Variants in CYFIP1 observed in about 807,000 individuals in gnomAD.
CYFIP1 encodes the protein cytoplasmic FMR1 interacting protein 1, also known as cytoplasmic FMR1-interacting protein 1.
Under a neutral mutation model 163.5 loss-of-function variants are expected in CYFIP1, and 58 were observed. The observed-to-expected ratio is 0.35, with a 90% CI of 0.29 to 0.44. The LOEUF (loss-of-function observed/expected upper bound fraction) is 0.44, where lower values mean the gene tolerates loss of function less well. Ranked by LOEUF, CYFIP1 falls within the 20% of genes least tolerant of loss-of-function variation. The pLI is 1.00. For synonymous variants in CYFIP1, 663 were observed against 660.7 expected, an observed-to-expected ratio of 1.00 and a Z score of -0.05; for missense variants, 1,338 against 1,653.8, an observed-to-expected ratio of 0.81 and a Z score of 3.31.
chr15:22,899,821 G>A (rs1377726765), intron 22 of CYFIP1, among the ~76,000 whole-genome samples: 1 of 152,172 alleles, frequency 6.6e-6, no homozygotes, highest in African/African-American at 2.4e-5. Context: ...GCTGAGGCAG[G>A]TGGATCACCT....
At chr15:22,914,356 C>G (rs555662601) in intron 17 of CYFIP1, among the ~76,000 whole-genome samples, 31 of 152,236 alleles carry the variant, frequency 2.0e-4, no homozygotes, top group African/African-American at 7.0e-4. Flanking sequence ...CAATTCCAGT[C>G]TGACACCAAG....
chr15:22,973,585 G>A (rs2140270593), intron 1 of CYFIP1, among the ~76,000 whole-genome samples: 1 of 152,216 alleles, frequency 6.6e-6, no homozygotes, highest in Non-Finnish European at 1.5e-5. Context: ...CTGTTCTTCT[G>A]TGGCATCAGC....
At position 22,928,020 on chromosome 15, in the gene CYFIP1, C is replaced by T. The variant is rs1241510274; in HGVS notation, c.1119G>A (p.Thr373=). Residue 373 remains threonine, a synonymous_variant, in exon 12 of 31, where the codon ACG becomes ACA. Coordinates refer to ENST00000617928, the MANE Select transcript of CYFIP1 (RefSeq NM_014608.6). The part of the protein sequence containing the change: ...LARYSNSEVV[T]GSGRQEAQKT... ...TCTGGGCCTCCTGGCGGCCCGAGCC[C>T]GTGACCACCTGCACAAGGCGGGCAC... is the stretch of plus-strand genomic sequence containing the variant. The T allele has an allele frequency of 5.1e-6, 8 of 1,562,728 alleles. No individual in the cohort carries two copies. The Admixed American group carries it at 1.0e-4, about 20-fold the overall frequency.
chr15:22,925,257 T>C (rs113647581), intron 13 of CYFIP1, among the ~76,000 whole-genome samples: 25 of 152,104 alleles, frequency 1.6e-4, no homozygotes, highest in Non-Finnish European at 3.4e-4. Context: ...TGGGGAAGAA[T>C]AGCCAAGGAA....
chr15:22,977,961 A>C (rs1384967037), intron 1 of CYFIP1, among the ~76,000 whole-genome samples: 1 of 152,186 alleles, frequency 6.6e-6, no homozygotes, highest in Non-Finnish European at 1.5e-5. Context: ...AAAGATACAG[A>C]CACAAGCATT....
chr15:22,946,266 TGCACTCTAGCCTGG>T (rs1295436180), intron 3 of CYFIP1, among the ~76,000 whole-genome samples: 9 of 150,580 alleles, frequency 6.0e-5, no homozygotes, highest in African/African-American at 2.2e-4. Context: ...ATCACACCAC[TGCACTCTAGCCTGG>T]GCAACCTGAG....
At chr15:22,972,234 G>A (rs560874985) in intron 1 of CYFIP1, among the ~76,000 whole-genome samples, 30 of 152,248 alleles carry the variant, frequency 2.0e-4, no homozygotes, top group Non-Finnish European at 3.1e-4. Flanking sequence ...GCAGGAGTTC[G>A]AGACCAGCCT....
At chr15:22,884,098 G>A (rs960403224) in intron 23 of CYFIP1, among the ~76,000 whole-genome samples, 6 of 140,418 alleles carry the variant, frequency 4.3e-5, no homozygotes, top group Non-Finnish European at 3.1e-5. Context: ...GGCATAATGG[G>A]GATTACAAGT....
At chr15:22,946,022 T>C (rs2062047183) in intron 3 of CYFIP1, among the ~76,000 whole-genome samples, 1 of 152,156 alleles carries the variant, frequency 6.6e-6, no homozygotes, top group African/African-American at 2.4e-5. Flanking sequence ...AAAATATTCT[T>C]GTCCAGGTGC....
rs1595491064 is a variant in CYFIP1 at position 22,875,890 on chromosome 15, A to ACATATATATATATATATATG, written c.3043-620_3043-619insCATATATATATATATATATG. Among the ~76,000 whole-genome samples the ACATATATATATATATATATG allele has an allele frequency of 6.0e-5, 8 of 133,112 alleles. 1 individual carries two copies. The highest frequency in any genetic ancestry group is 2.4e-4 in the South Asian group (1 of 4,196). The allele number at this position is 133,112 out of a possible 152,430, so 87.3% of individuals were successfully genotyped here. A position where few individuals can be genotyped will look rare whatever the true frequency, so the allele number is the denominator to read the frequency against. ...AGGTCCGTTCTCCAGAATAACATAT[A>ACATATATATATATATATATG]TATATATAAAGAAAATGTACCTCCA... is the stretch of plus-strand genomic sequence containing the variant. On this transcript the variant is annotated intron_variant, in intron 26 of 30. Transcript: ENST00000617928.
At position 22,869,897 on chromosome 15, in the gene CYFIP1, A is replaced by T; in HGVS notation, c.*131T>A. On this transcript the variant is annotated 3_prime_UTR_variant, in exon 31 of 31. Transcript: ENST00000617928. ...AAAAATAAGTCAATTTTATAAAATT[A>T]AGTTTTTAGATCGAAAAGCACCCCC... is the stretch of plus-strand genomic sequence containing the variant. 1.3e-6 allele frequency: 1 copy of T among 755,666 alleles called. No homozygotes were observed. The highest frequency in any genetic ancestry group is 1.9e-6 in the Non-Finnish European group (1 of 539,618). 46.8% of individuals were successfully genotyped at this position (755,666 alleles called of 1,614,324 possible). A position where few individuals can be genotyped will look rare whatever the true frequency, so the allele number is the denominator to read the frequency against.
At chr15:22,928,256 A>G (rs1046549753) in intron 11 of CYFIP1, among the ~76,000 whole-genome samples, 37 of 152,184 alleles carry the variant, frequency 2.4e-4, no homozygotes, top group Non-Finnish European at 4.0e-4. Context: ...GGTGGCGGGC[A>G]CCTGTAGTCC....
intron 1 of CYFIP1, among the ~76,000 whole-genome samples, chr15:22,957,730 G>A (rs557981930): frequency 1.3e-5 from 2 of 152,324 alleles, no homozygotes; most frequent in South Asian, 2.1e-4. Flanking sequence ...TTCTGCAAAC[G>A]TGCACAAGGC....
In CYFIP1 at chr15:22,867,880, A is replaced by AAAC. The variant is rs781094711; in HGVS notation, c.*2145_*2147dup. On this transcript the variant is annotated 3_prime_UTR_variant, in exon 31 of 31. Transcript: ENST00000617928. ...TATGAAGAAGTCGATGGAAAACTGC[A>AAAC]AACATATGCAGAAAAGGTAGAATAA... 1 of 152,232 alleles carries AAAC rather than the reference A, an allele frequency of 6.6e-6. No homozygotes were observed. Among genetic ancestry groups the AAAC allele is most frequent in the African/African-American group, 2.4e-5 (1 of 41,456 alleles). 9.4% of individuals were successfully genotyped at this position (152,232 alleles called of 1,614,324 possible).
chr15:22,920,006 A>G lies in CYFIP1; in HGVS notation c.1360-1148T>C, dbSNP rs909662494. 2.6e-5 allele frequency among the ~76,000 whole-genome samples: 4 copies of G among 151,970 alleles called. No homozygotes were observed. The South Asian group carries it at 8.3e-4, about 32-fold the overall frequency. ...CACTGCTCTCCAGCCTGGGTGACAG[A>G]GCGAGACCCTGTCTCAAAACAAAAC... On this transcript the variant is annotated intron_variant, in intron 13 of 30. Coordinates refer to ENST00000617928, the MANE Select transcript of CYFIP1 (RefSeq NM_014608.6).
intron 1 of CYFIP1, among the ~76,000 whole-genome samples, chr15:22,961,964 A>G (rs1171094005): frequency 6.6e-6 from 1 of 152,142 alleles, no homozygotes; most frequent in Admixed American, 6.5e-5. Context: ...TTTACCAAGG[A>G]GGAAGAAGTC....
chr15:22,944,844 G>A lies in CYFIP1; in HGVS notation c.285+18C>T. 6.2e-7 allele frequency: 1 copy of A among 1,611,936 alleles called. No homozygotes were observed. Among genetic ancestry groups the A allele is most frequent in the Non-Finnish European group, 8.5e-7 (1 of 1,179,064 alleles). ...GGCAGGGTGTGGCTGGAGGGGAAGA[G>A]CCAGGCGAGCGTGGCACCTGTGGGA... On this transcript the variant is annotated intron_variant, in intron 4 of 30. Coordinates refer to ENST00000617928, the MANE Select transcript of CYFIP1 (RefSeq NM_014608.6).
chr15:22,890,632 A>G (rs1458173198), intron 23 of CYFIP1, among the ~76,000 whole-genome samples: 2 of 152,112 alleles, frequency 1.3e-5, no homozygotes, highest in African/African-American at 2.4e-5. Flanking sequence ...AGTTGCTAAG[A>G]ACAGAGACAG....
At chr15:22,895,527 G>A (rs1389197257) in intron 22 of CYFIP1, among the ~76,000 whole-genome samples, 1 of 152,188 alleles carries the variant, frequency 6.6e-6, no homozygotes, top group Non-Finnish European at 1.5e-5. Context: ...CTCCTGGGTA[G>A]GATTTGGTGG....
Sources: gnomAD v4.1 joint callset for allele counts (sites outside exome capture counted in the v4.1 genomes callset) on GRCh38, gnomAD v4.1.1 for gene constraint, MANE v1.5 for transcripts, NCBI Gene and HGNC (gene_info 2026-07-23, HGNC 2026-07-21) for gene names.